Variants in ST3GAL6 observed in about 807,000 individuals in gnomAD.
ST3GAL6 encodes type 2 lactosamine alpha-2,3-sialyltransferase.
A neutral mutation model predicts 40.5 loss-of-function variants in ST3GAL6; 31 were observed. The observed-to-expected ratio is 0.77, with a 90% confidence interval of 0.58 to 1.03. The LOEUF (loss-of-function observed/expected upper bound fraction) is 1.03. Among genes scored for constraint, ST3GAL6 ranks in the 50% least tolerant of loss-of-function variants. ST3GAL6 has a pLI of 0.00. For missense variants in ST3GAL6, 357 were observed against 393.2 expected (o/e 0.91, Z 0.78); for synonymous variants, 129 against 136.9 (o/e 0.94, Z 0.40).
In ST3GAL6 at chr3:98,795,446, T is replaced by A. The variant is rs1005557466; in HGVS notation, c.*1685T>A. 3.3e-5 allele frequency: 5 copies of A among 152,098 alleles called. No individual in the cohort carries two copies. The highest frequency in any genetic ancestry group is 5.9e-5 in the Non-Finnish European group (4 of 68,056). 9.4% of individuals were successfully genotyped at this position (152,098 alleles called of 1,614,324 possible). On this transcript the variant is annotated 3_prime_UTR_variant, in exon 10 of 10. Coordinates refer to ENST00000483910, the MANE Select transcript of ST3GAL6 (RefSeq NM_001323368.2). ...GTTTGCAGAGTCCCACAGTTTTGATTCCTCTTATAACTTTTTGAGGTGCAA... is the reference window on the plus strand; with the variant it reads ...GTTTGCAGAGTCCCACAGTTTTGATACCTCTTATAACTTTTTGAGGTGCAA...
chr3:98,747,251 A>G (rs532657148), intron 1 of ST3GAL6, among the ~76,000 whole-genome samples: 4 of 152,330 alleles, frequency 2.6e-5, no homozygotes, highest in Admixed American at 1.3e-4. Flanking sequence ...TATTTTCTGC[A>G]TCTACTTTCT....
chr3:98,753,702 C>T (rs576166691), intron 1 of ST3GAL6, among the ~76,000 whole-genome samples: 3 of 152,204 alleles, frequency 2.0e-5, no homozygotes, highest in Non-Finnish European at 2.9e-5. Flanking sequence ...CGGTAGCTTA[C>T]GCCTGTAATC....
Position 98,794,939 on chromosome 3 carries a change from A to C in ST3GAL6, c.*1178A>C, listed in dbSNP as rs2107396070. On this transcript the variant is annotated 3_prime_UTR_variant, in exon 10 of 10. Transcript: ENST00000483910. The stretch of plus-strand genomic sequence containing the variant: ...GTGAAGTTGGGATTTTTGGATTTAA[A>C]TGGTACAAAAAGAATATCTCATTTT... 1 of 152,300 alleles carries C rather than the reference A, an allele frequency of 6.6e-6. No individual in the cohort carries two copies. Among genetic ancestry groups the C allele is most frequent in the East Asian group, 1.9e-4 (1 of 5,182 alleles). 9.4% of individuals were successfully genotyped at this position (152,300 alleles called of 1,614,324 possible).
rs892379962 is a variant in ST3GAL6, at chr3:98,787,958, T to G, written c.432-78T>G. On this transcript the variant is annotated intron_variant, in intron 6 of 9. Coordinates refer to ENST00000483910, the MANE Select transcript of ST3GAL6 (RefSeq NM_001323368.2). Reference sequence around the variant, plus strand: ...TAAAAGGCTGATGTTTGTCCAACTCTGAAACCTCTGAGAACTGTGATGGGA... The same window carrying G: ...TAAAAGGCTGATGTTTGTCCAACTCGGAAACCTCTGAGAACTGTGATGGGA... The G allele has an allele frequency of 5.2e-6, 7 of 1,351,104 alleles. No individual in the cohort carries two copies. The African/African-American group carries it at 1.0e-4, about 20-fold the overall frequency. The allele number at this position is 1,351,104 out of a possible 1,614,324, so 83.7% of individuals were successfully genotyped here.
intron 1 of ST3GAL6, 69 bp from the exon 2 acceptor site, chr3:98,768,361 G>T: frequency 1.9e-6 from 2 of 1,080,368 alleles, no homozygotes; most frequent in Non-Finnish European, 2.9e-6. Context: ...GCTTATATTT[G>T]AGCCATTGTG....
chr3:98,755,572 T>A (rs1173339557), intron 1 of ST3GAL6, among the ~76,000 whole-genome samples: 1 of 152,226 alleles, frequency 6.6e-6, no homozygotes, highest in Admixed American at 6.5e-5. Context: ...TTCATGCAGC[T>A]GCTATTTTTC....
chr3:98,771,785 C>G (rs1458871025), intron 3 of ST3GAL6, among the ~76,000 whole-genome samples: 1 of 152,126 alleles, frequency 6.6e-6, no homozygotes, highest in Non-Finnish European at 1.5e-5. Flanking sequence ...TGTAGCCTTT[C>G]CAGGGGTGTG....
intron 1 of ST3GAL6, among the ~76,000 whole-genome samples, chr3:98,746,111 T>A (rs1936524768): frequency 6.6e-6 from 1 of 152,094 alleles, no homozygotes; most frequent in Non-Finnish European, 1.5e-5. Context: ...CATGGATATA[T>A]GGATAGATGA....
At chr3:98,733,152 C>T (rs938461733) in intron 1 of ST3GAL6, 10 of 1,241,274 alleles carry the variant, frequency 8.1e-6, no homozygotes, top group Non-Finnish European at 1.0e-5. Flanking sequence ...GTTTGCCCCT[C>T]CACATATCCT....
chr3:98,757,274 T>G (rs1203781759), intron 1 of ST3GAL6, among the ~76,000 whole-genome samples: 1 of 152,200 alleles, frequency 6.6e-6, no homozygotes, highest in African/African-American at 2.4e-5. Flanking sequence ...ACATTATGCT[T>G]TAGTAGTGCT....
upstream of ST3GAL6, among the ~76,000 whole-genome samples, chr3:98,759,320 G>A (rs1378953867): frequency 4.6e-5 from 7 of 152,166 alleles, no homozygotes; most frequent in Non-Finnish European, 1.0e-4. Context: ...AGGAAATCTA[G>A]AAACACAGGC....
intron 6 of ST3GAL6, among the ~76,000 whole-genome samples, chr3:98,785,900 T>A (rs1940657225): frequency 6.6e-6 from 1 of 152,130 alleles, no homozygotes; most frequent in Admixed American, 6.6e-5. Flanking sequence ...TGACTGAAGA[T>A]GTGTTTTAGA....
chr3:98,776,052 G>A (rs574735664), intron 5 of ST3GAL6, among the ~76,000 whole-genome samples: 2 of 152,294 alleles, frequency 1.3e-5, no homozygotes, highest in African/African-American at 2.4e-5. Context: ...TTGTGTGTTC[G>A]ACCTGGGCAA....
In ST3GAL6 at chr3:98,780,339, G is replaced by A. The variant is rs568543798; in HGVS notation, c.336-4606G>A. On this transcript the variant is annotated intron_variant, in intron 5 of 9. Coordinates refer to ENST00000483910, the MANE Select transcript of ST3GAL6 (RefSeq NM_001323368.2). ...TTCTATGTGATTTTCAGAAAAATGCGTAAATCTTTGCAATATCCTTTACCA... is the reference window on the plus strand; with the variant it reads ...TTCTATGTGATTTTCAGAAAAATGCATAAATCTTTGCAATATCCTTTACCA... Among the ~76,000 whole-genome samples, 9 of 152,284 alleles carry A rather than the reference G, an allele frequency of 5.9e-5. No individual in the cohort carries two copies. In the South Asian group the frequency reaches 1.0e-3, roughly 18 times the overall value.
rs1162218894 is a variant in ST3GAL6, at chr3:98,732,820, C to A, written c.-12+288C>A. On this transcript the variant is annotated intron_variant, in intron 1 of 9. Transcript: ENST00000265261. ...GTGCCCGCGCCGCCCCTGGCCCGCG[C>A]CACCTTCCTTTGGTTTCTGCCGGCC... The A allele has an allele frequency of 5.4e-6, 8 of 1,487,340 alleles. No homozygotes were observed. The Admixed American group carries it at 1.3e-4, about 24-fold the overall frequency. 92.1% of individuals were successfully genotyped at this position (1,487,340 alleles called of 1,614,324 possible).
At chr3:98,755,992 C>T (rs1027676553) in intron 1 of ST3GAL6, among the ~76,000 whole-genome samples, 1 of 152,100 alleles carries the variant, frequency 6.6e-6, no homozygotes, top group Non-Finnish European at 1.5e-5. Flanking sequence ...ATAGATACTT[C>T]TCTCACCTCA....
At chr3:98,766,377 C>G (rs1352919684) in intron 1 of ST3GAL6, among the ~76,000 whole-genome samples, 2 of 134,546 alleles carry the variant, frequency 1.5e-5, no homozygotes, top group Middle Eastern at 3.6e-3. Flanking sequence ...AAGTTTTATC[C>G]TTGTTGGATC....
chr3:98,752,175 C>T (rs1937055729), intron 1 of ST3GAL6, among the ~76,000 whole-genome samples: 1 of 152,094 alleles, frequency 6.6e-6, no homozygotes. Flanking sequence ...CATGGGAGCC[C>T]TCATAAAGAA....
intron 5 of ST3GAL6, among the ~76,000 whole-genome samples, chr3:98,775,788 T>G (rs1400530282): frequency 6.6e-6 from 1 of 152,192 alleles, no homozygotes; most frequent in African/African-American, 2.4e-5. Context: ...CTCCCCACCA[T>G]CATGCTAAGT....
Sources: allele counts gnomAD v4.1 joint callset (sites outside exome capture counted in the v4.1 genomes callset), GRCh38; gene constraint gnomAD v4.1.1; transcripts MANE v1.5; gene names NCBI Gene and HGNC (gene_info 2026-07-23, HGNC 2026-07-21).